RNF213: variants seen among roughly 807,000 people sequenced by gnomAD.
The protein encoded by RNF213 is ring finger protein 213.
In RNF213, 341 loss-of-function variants were observed where a neutral mutation model predicts 514.4. The ratio of observed to expected loss-of-function variants is 0.66; its 90% CI spans 0.61 to 0.73. The LOEUF (loss-of-function observed/expected upper bound fraction) is 0.73, where lower values mean the gene tolerates loss of function less well. Ranked by LOEUF, RNF213 falls within the 30% of genes least tolerant of loss-of-function variation. The probability of loss-of-function intolerance (pLI) is 0.00; values close to 1 mark genes in which losing one functional copy is unlikely to be tolerated. For synonymous variants in RNF213, 2,655 were observed against 2,658.2 expected, an observed-to-expected ratio of 1.00 and a Z score of 0.04; for missense variants, 5,767 against 6,615.6, an observed-to-expected ratio of 0.87 and a Z score of 4.45.
chr17:80,275,735 C>T (rs1033693198), intron 3 of RNF213, among the ~76,000 whole-genome samples: 1 of 152,026 alleles, frequency 6.6e-6, no homozygotes, highest in African/African-American at 2.4e-5. Flanking sequence ...CATCTCAGCT[C>T]AACTGCAACC....
At chr17:80,391,749 T>C (rs2080479994) in intron 67 of RNF213, among the ~76,000 whole-genome samples, 3 of 149,982 alleles carry the variant, frequency 2.0e-5, no homozygotes, top group Admixed American at 1.3e-4. Context: ...ATCCCAGGAT[T>C]ATAAACTAGC....
At chr17:80,271,306 G>A (rs1286101402) in intron 2 of RNF213, among the ~76,000 whole-genome samples, 1 of 152,244 alleles carries the variant, frequency 6.6e-6, no homozygotes, top group East Asian at 1.9e-4. Flanking sequence ...TTTGAGTCCT[G>A]CTAAGGAACT....
intron 50 of RNF213, chr17:80,374,817 T>G: frequency 1.9e-6 from 1 of 533,216 alleles, no homozygotes; most frequent in South Asian, 2.0e-5. Context: ...GTTGACAGAT[T>G]TGCTGTGTCT....
rs559736866 is a variant in RNF213, at chr17:80,360,579, G to A, written c.11200+373G>A. On this transcript the variant is annotated intron_variant, in intron 38 of 67. Transcript: ENST00000582970. ...CTTCTCAGACTGGGGCACTGGACTCGGAAGATGCCCCCAGGAGAGGCGTTC... is the reference window on the plus strand; with the variant it reads ...CTTCTCAGACTGGGGCACTGGACTCAGAAGATGCCCCCAGGAGAGGCGTTC... Among the ~76,000 whole-genome samples the A allele has an allele frequency of 2.1e-4, 32 of 152,194 alleles. No individual in the cohort carries two copies. In the South Asian group the frequency reaches 4.8e-3, roughly 23 times the overall value.
rs374866812 is a variant in RNF213 at position 80,361,724 on chromosome 17, C to G, written c.11201-10C>G. 12 of 1,612,672 alleles carry G rather than the reference C, an allele frequency of 7.4e-6. No homozygotes were observed. The highest frequency in any genetic ancestry group is 1.0e-5 in the Non-Finnish European group (12 of 1,179,374). On this transcript the variant is annotated splice_polypyrimidine_tract_variant and intron_variant, in intron 38 of 67. Transcript: ENST00000582970. ...GCACTCCAGGCCGCTCCTTGGTTTC[C>G]TCTCTGCAGGACTGCCCAAGAAGTT...
In RNF213 at chr17:80,377,589, T is replaced by G; in HGVS notation, c.13511-173T>G. 1 of 747,260 alleles carries G rather than the reference T, an allele frequency of 1.3e-6. No individual in the cohort carries two copies. Among genetic ancestry groups the G allele is most frequent in the Non-Finnish European group, 2.5e-6 (1 of 404,708 alleles). The allele number at this position is 747,260 out of a possible 1,614,324, so 46.3% of individuals were successfully genotyped here. ...AGACATTTTTCACTGACAACATACA[T>G]TTATTAAGCTTCAGGCAGGTGTCAT... On this transcript the variant is annotated intron_variant, in intron 53 of 67. Coordinates refer to ENST00000582970, the MANE Select transcript of RNF213 (RefSeq NM_001256071.3). This position sits in a 1 kb window ranked among gnomAD's most constrained non-coding sequence, Gnocchi z 4.1.
intron 3 of RNF213, among the ~76,000 whole-genome samples, chr17:80,278,568 G>A (rs900213391): frequency 9.2e-5 from 14 of 152,282 alleles, no homozygotes; most frequent in Admixed American, 4.6e-4. Context: ...CTGCTTCTTC[G>A]TCTTCCCACA....
Position 80,313,255 on chromosome 17 carries a change from CA to C in RNF213, c.2811+89del, listed in dbSNP as rs1411113783. On this transcript the variant is annotated intron_variant, in intron 15 of 67. Coordinates refer to ENST00000582970, the MANE Select transcript of RNF213 (RefSeq NM_001256071.3). Reference sequence around the variant, plus strand: ...AAATCATGGGGTACAGGCTGCTGGCCAGGGGCAGTTGTTGGCCTTCACCTGA... The same window carrying C: ...AAATCATGGGGTACAGGCTGCTGGCCGGGGCAGTTGTTGGCCTTCACCTGA... The C allele has an allele frequency of 6.5e-6, 10 of 1,546,402 alleles. No individual in the cohort carries two copies. In the East Asian group the frequency reaches 2.0e-4, roughly 31 times the overall value.
At chr17:80,349,748 T>C (rs2078436390) in intron 29 of RNF213, 22 bp from the exon 30 acceptor site, 1 of 1,613,872 alleles carries the variant, frequency 6.2e-7, no homozygotes, top group African/African-American at 1.3e-5. Context: ...TGGCAAGTAA[T>C]TTGCATTTCT....
intron 10 of RNF213, 25 bp from the exon 11 acceptor site, chr17:80,298,296 C>T (rs545013601): frequency 2.5e-6 from 4 of 1,612,814 alleles, no homozygotes; most frequent in South Asian, 1.1e-5. Flanking sequence ...GCTCAGCTCA[C>T]TGCGGGATCT....
At chr17:80,326,995 T>C (rs1466061004) in intron 18 of RNF213, among the ~76,000 whole-genome samples, 2 of 152,172 alleles carry the variant, frequency 1.3e-5, no homozygotes, top group Non-Finnish European at 2.9e-5. Flanking sequence ...ATAAAATCAG[T>C]TCCAAGATTT....
At chr17:80,379,767 CTGT>C (rs2079911692) in intron 55 of RNF213, 53 bp downstream of exon 55, 13 of 1,448,810 alleles carry the variant, frequency 9.0e-6, no homozygotes. Context: ...GGGTGTTGGG[CTGT>C]TTTTATTCCA....
intron 11 of RNF213, among the ~76,000 whole-genome samples, chr17:80,302,256 A>G (rs1288096517): frequency 1.3e-5 from 2 of 152,222 alleles, no homozygotes; most frequent in Non-Finnish European, 2.9e-5. Context: ...TACGTTTTTC[A>G]AATAGCTGGA....
intron 10 of RNF213, among the ~76,000 whole-genome samples, chr17:80,297,029 G>C (rs547144838): frequency 6.6e-6 from 1 of 152,190 alleles, no homozygotes; most frequent in South Asian, 2.1e-4. Flanking sequence ...TTTTGACAAA[G>C]AGGAGGAGTG....
chr17:80,318,966 G>A (rs2046044308), intron 16 of RNF213, among the ~76,000 whole-genome samples: 2 of 152,184 alleles, frequency 1.3e-5, no homozygotes, highest in Admixed American at 1.3e-4. Flanking sequence ...TGCAAGCCAG[G>A]TGCTTTTTCT....
chr17:80,372,378 A>G (rs867966837), intron 47 of RNF213, 143 bp from the exon 48 acceptor site: 6 of 677,210 alleles, frequency 8.9e-6, no homozygotes, highest in Middle Eastern at 4.0e-4. Context: ...TTAGGTTTCC[A>G]TAAGTCAAGA....
Position 80,377,674 on chromosome 17 carries a change from C to A in RNF213, c.13511-88C>A. 1.4e-6 allele frequency: 2 copies of A among 1,454,086 alleles called. No individual in the cohort carries two copies. Among genetic ancestry groups the A allele is most frequent in the Non-Finnish European group, 9.7e-7 (1 of 1,033,936 alleles). The allele number at this position is 1,454,086 out of a possible 1,614,324, so 90.1% of individuals were successfully genotyped here. A position where few individuals can be genotyped will look rare whatever the true frequency, so the allele number is the denominator to read the frequency against. On this transcript the variant is annotated intron_variant, in intron 53 of 67. Transcript: ENST00000582970. The surrounding 1 kb of genome is among the most constrained non-coding windows in gnomAD (Gnocchi z 4.1). ...AGTCATTCTCATATTGTGGTCAGGG[C>A]CAGAGAGTAGAGAGTTAGCTTTCCC... is the stretch of plus-strand genomic sequence containing the variant.
rs527767678 is a variant in RNF213, at chr17:80,269,533, TCATC to T, written c.98-3704_98-3701del. Among the ~76,000 whole-genome samples the T allele has an allele frequency of 1.6e-3, 240 of 152,044 alleles. 1 individual carries two copies. The highest frequency in any genetic ancestry group is 2.4e-3 in the Non-Finnish European group (162 of 67,978). On this transcript the variant is annotated intron_variant, in intron 2 of 67. Coordinates refer to ENST00000582970, the MANE Select transcript of RNF213 (RefSeq NM_001256071.3). The stretch of plus-strand genomic sequence containing the variant: ...ATCTATCCATCCATCCTCTTTCTAT[TCATC>T]CATTCATCTATCCATCTATTCTATC...
chr17:80,358,328 C>T lies in RNF213; in HGVS notation c.10903C>T (p.Leu3635=). Residue 3635 remains leucine, a synonymous_variant, in exon 37 of 68, where the codon CTG becomes TTG. Transcript: ENST00000582970. ...WKRVQGAVTP[L]LASMISFIDR... The stretch of plus-strand genomic sequence containing the variant: ...GCGGGTCCAAGGTGCTGTCACCCCT[C>T]TGCTGGCGAGCATGATATCATTCAT... 1.9e-6 allele frequency: 3 copies of T among 1,614,188 alleles called. No individual in the cohort carries two copies. Among genetic ancestry groups the T allele is most frequent in the South Asian group, 1.1e-5 (1 of 91,082 alleles).
Sources: allele counts gnomAD v4.1 joint callset (sites outside exome capture counted in the v4.1 genomes callset), GRCh38; gene constraint gnomAD v4.1.1; non-coding constraint Gnocchi (gnomAD v3.1); transcripts MANE v1.5; gene names NCBI Gene and HGNC (gene_info 2026-07-23, HGNC 2026-07-21).